The following ABCA9 variants were observed in gnomAD, a reference collection of about 807,000 sequenced individuals.
The protein encoded by ABCA9 is ATP-binding cassette sub-family A member 9.
A neutral mutation model predicts 205.3 loss-of-function variants in ABCA9; 183 were observed. That is an observed-to-expected ratio of 0.89 (90% CI 0.79 to 1.01). ABCA9 has a LOEUF of 1.01. Among genes scored for constraint, ABCA9 ranks in the 50% least tolerant of loss-of-function variants. The probability of loss-of-function intolerance (pLI) is 0.00; values close to 1 mark genes in which losing one functional copy is unlikely to be tolerated. For missense variants in ABCA9, 1,805 were observed against 1,912.4 expected (o/e 0.94, Z 1.05); for synonymous variants, 651 against 683.3 (o/e 0.95, Z 0.74).
chr17:68,984,891 T>G lies in ABCA9; in HGVS notation c.4373A>C (p.Gln1458Pro), dbSNP rs117967396. 220 of 1,614,208 alleles carry G rather than the reference T, an allele frequency of 1.4e-4. No homozygotes were observed. Among genetic ancestry groups the G allele is most frequent in the Non-Finnish European group, 1.8e-4 (213 of 1,180,036 alleles). Reference sequence around the variant, plus strand: ...GCTCATGATAGCACCTCACCACATTTGCTGCTGCCCCTCGGGGTCCATCCC... The same window carrying G: ...GCTCATGATAGCACCTCACCACATTGGCTGCTGCCCCTCGGGGTCCATCCC... ...STGMDPEGQQ[Q>P]MWQVIRATFR... Residue 1458 changes from glutamine (Q) to proline (P), a missense_variant, in exon 34 of 39, where the codon CAA (glutamine) becomes CCA (proline). Coordinates refer to ENST00000340001, the MANE Select transcript of ABCA9 (RefSeq NM_080283.4).
intron 18 of ABCA9, 68 bp from the exon 19 acceptor site, chr17:69,020,654 T>C (rs944417879): frequency 1.3e-5 from 19 of 1,458,132 alleles, no homozygotes; most frequent in Non-Finnish European, 1.6e-5. Context: ...TTTCCTATGA[T>C]AAATTTTCCT....
intron 32 of ABCA9, among the ~76,000 whole-genome samples, 188 bp from the exon 33 acceptor site, chr17:68,985,316 T>G (rs562825299): frequency 6.6e-6 from 1 of 152,204 alleles, no homozygotes; most frequent in Non-Finnish European, 1.5e-5. Flanking sequence ...CAATGATGTC[T>G]TTCCATATTA....
At chr17:69,016,828 A>C (rs2070634148) in intron 21 of ABCA9, among the ~76,000 whole-genome samples, 1 of 152,076 alleles carries the variant, frequency 6.6e-6, no homozygotes, top group Admixed American at 6.6e-5. Flanking sequence ...TCCTGTGCTT[A>C]CTTGTAAAGT....
At chr17:69,065,372 C>A (rs1598427917), upstream of ABCA9, among the ~76,000 whole-genome samples, 1 of 152,248 alleles carries the variant, frequency 6.6e-6, no homozygotes, top group East Asian at 1.9e-4. Context: ...AATCTATTTC[C>A]ACATCACATA....
the ABCA9 span, among the ~76,000 whole-genome samples, chr17:69,068,485 C>T: frequency 6.6e-6 from 1 of 151,986 alleles, no homozygotes; most frequent in Non-Finnish European, 1.5e-5. Flanking sequence ...AAACAGAGAT[C>T]ACATTTAAAG....
At chr17:69,001,434 T>C (rs1393473782) in intron 25 of ABCA9, among the ~76,000 whole-genome samples, 1 of 148,578 alleles carries the variant, frequency 6.7e-6, no homozygotes, top group Non-Finnish European at 1.5e-5. Context: ...GATTTGCGTA[T>C]ATTGAACCAG....
chr17:69,074,444 T>C, the ABCA9 span, among the ~76,000 whole-genome samples: 1 of 152,174 alleles, frequency 6.6e-6, no homozygotes, highest in Non-Finnish European at 1.5e-5. Flanking sequence ...TGTTGCCATC[T>C]TTATGTCCAT....
chr17:69,027,494 T>C (rs763442792), intron 13 of ABCA9, 45 bp from the exon 14 acceptor site: 1 of 1,576,992 alleles, frequency 6.3e-7, no homozygotes, highest in Non-Finnish European at 8.6e-7. Context: ...GAAAGTTTAT[T>C]TTAAAAACAC....
intron 1 of ABCA9, among the ~76,000 whole-genome samples, chr17:69,052,662 C>G (rs970667673): frequency 3.9e-5 from 6 of 152,176 alleles, no homozygotes; most frequent in Non-Finnish European, 5.9e-5. Flanking sequence ...TCTGTGGACA[C>G]CAACTGGGTG....
At chr17:69,039,482 TTGGGAAAAC>T (rs1276941809) in intron 6 of ABCA9, among the ~76,000 whole-genome samples, 1 of 151,984 alleles carries the variant, frequency 6.6e-6, no homozygotes. Flanking sequence ...ATAAATGATG[TTGGGAAAAC>T]TGGCTAGCCA....
chr17:68,993,893 T>C (rs1185932484), intron 26 of ABCA9, among the ~76,000 whole-genome samples: 1 of 152,184 alleles, frequency 6.6e-6, no homozygotes, highest in African/African-American at 2.4e-5. Context: ...TTTTTTTTTA[T>C]GGGACAGAGT....
intron 37 of ABCA9, among the ~76,000 whole-genome samples, chr17:68,981,642 C>A (rs2069055250): frequency 6.6e-6 from 1 of 151,836 alleles, no homozygotes; most frequent in South Asian, 2.1e-4. Context: ...GCTAGGATGA[C>A]CATCCTGGCC....
chr17:69,028,711 TTG>T, intron 11 of ABCA9, 66 bp from the exon 12 acceptor site: 1 of 909,352 alleles, frequency 1.1e-6, no homozygotes, highest in Non-Finnish European at 1.6e-6. Context: ...TCTGAAACTG[TTG>T]TAATTTTTTG....
intron 29 of ABCA9, 29 bp downstream of exon 29, chr17:68,990,808 A>T (rs771954650): frequency 6.3e-7 from 1 of 1,594,360 alleles, no homozygotes; most frequent in Non-Finnish European, 8.5e-7. Context: ...AAAAAAAAAT[A>T]GTTGACGAAG....
chr17:69,043,553 T>A lies in ABCA9; in HGVS notation c.736A>T (p.Thr246Ser), dbSNP rs765667063. Reference protein sequence around the residue: ...TFIYYVSVNVTQERQYITSLM... With the variant: ...TFIYYVSVNVSQERQYITSLM... ...GACGTAATGTATTGTCTTTCTTGTGTAACATTGACTGATACATAGTATATA... is the reference window on the plus strand; with the variant it reads ...GACGTAATGTATTGTCTTTCTTGTGAAACATTGACTGATACATAGTATATA... The change falls in exon 6 of 39, where the codon ACA (threonine) becomes TCA (serine). Residue 246 changes from threonine (T) to serine (S), a missense_variant. Thr to Ser is a moderately conservative substitution (Grantham distance 58). Coordinates refer to ENST00000340001, the MANE Select transcript of ABCA9 (RefSeq NM_080283.4). The A allele has an allele frequency of 6.2e-6, 10 of 1,611,230 alleles. No individual in the cohort carries two copies. The highest frequency in any genetic ancestry group is 8.5e-6 in the Non-Finnish European group (10 of 1,178,892).
Position 68,991,044 on chromosome 17 carries a change from T to C in ABCA9, c.3717-87A>G, listed in dbSNP as rs1035798428. 14 of 1,445,880 alleles carry C rather than the reference T, an allele frequency of 9.7e-6. No homozygotes were observed. The Admixed American group carries it at 2.5e-4, about 26-fold the overall frequency. The allele number at this position is 1,445,880 out of a possible 1,614,324, so 89.6% of individuals were successfully genotyped here. A position where few individuals can be genotyped will look rare whatever the true frequency, so the allele number is the denominator to read the frequency against. On this transcript the variant is annotated intron_variant, in intron 28 of 38. Coordinates refer to ENST00000340001, the MANE Select transcript of ABCA9 (RefSeq NM_080283.4). ...TGAATTTTCTCTATACTTCCAATTTTTGGAGTAGATTCATTCAGAGCACAA... is the reference window on the plus strand; with the variant it reads ...TGAATTTTCTCTATACTTCCAATTTCTGGAGTAGATTCATTCAGAGCACAA...
intron 1 of ABCA9, 146 bp downstream of exon 1, chr17:69,060,720 T>C: frequency 1.9e-6 from 1 of 518,842 alleles, no homozygotes; most frequent in Non-Finnish European, 2.5e-6. Flanking sequence ...ACATACAAAA[T>C]AAAATAGATG....
intron 2 of ABCA9, among the ~76,000 whole-genome samples, chr17:69,050,658 G>A (rs532199983): frequency 3.9e-5 from 6 of 152,074 alleles, no homozygotes; most frequent in Admixed American, 3.9e-4. Context: ...TTAGATTTTG[G>A]ATTCCCTGCT....
In ABCA9 at chr17:69,018,454, GGTT is replaced by G. The variant is rs1233147981; in HGVS notation, c.2723_2725del (p.Gln908del). The G allele has an allele frequency of 4.4e-6, 7 of 1,604,216 alleles. No individual in the cohort carries two copies. The highest frequency in any genetic ancestry group is 1.8e-5 in the Admixed American group (1 of 56,924). On this transcript the variant is annotated inframe_deletion, in exon 20 of 39. Transcript: ENST00000340001. The stretch of plus-strand genomic sequence containing the variant: ...CAGTAAATGGGTCAGAGGATCCTGT[GGTT>G]GTTGTCCTGGTGAGAGGAAGTATGT...
Sources: allele counts gnomAD v4.1 joint callset (sites outside exome capture counted in the v4.1 genomes callset), GRCh38; gene constraint gnomAD v4.1.1; transcripts MANE v1.5; gene names NCBI Gene and HGNC (gene_info 2026-07-23, HGNC 2026-07-21).